WASHC5: variants seen among roughly 807,000 people sequenced by gnomAD.
WASHC5 encodes the protein WASH complex subunit 5.
WASHC5 carries 101 observed loss-of-function variants against 150.4 expected under a neutral mutation model. The ratio of observed to expected loss-of-function variants is 0.67; its 90% confidence interval spans 0.57 to 0.79. WASHC5 has a LOEUF of 0.79. WASHC5 is among the 30% of genes least tolerant of loss of function. The pLI, the probability that WASHC5 is intolerant of heterozygous loss-of-function variation, is 0.00. For synonymous variants in WASHC5, 467 were observed against 491.2 expected (o/e 0.95, Z 0.65); for missense variants, 1,195 against 1,396.3 (o/e 0.86, Z 2.30).
At chr8:125,028,270 A>T (rs1232325128) in intron 28 of WASHC5, among the ~76,000 whole-genome samples, 1 of 152,246 alleles carries the variant, frequency 6.6e-6, no homozygotes, top group East Asian at 1.9e-4. Context: ...GAACCAGGTC[A>T]GTGGAGAGAG....
intron 10 of WASHC5, among the ~76,000 whole-genome samples, chr8:125,064,363 T>A (rs1390263448): frequency 6.9e-6 from 1 of 145,494 alleles, no homozygotes; most frequent in East Asian, 2.0e-4. Context: ...CCACTACACC[T>A]GGTTAATTTT....
chr8:125,057,830 T>A (rs985675506), intron 14 of WASHC5, among the ~76,000 whole-genome samples, 164 bp from the exon 15 acceptor site: 1 of 152,192 alleles, frequency 6.6e-6, no homozygotes, highest in Non-Finnish European at 1.5e-5. Context: ...TTAACTGTGA[T>A]GGCAGTGGTT....
intron 26 of WASHC5, among the ~76,000 whole-genome samples, chr8:125,034,718 AGAGAAGCCT>A (rs1815648243): frequency 6.6e-6 from 1 of 152,174 alleles, no homozygotes; most frequent in South Asian, 2.1e-4. Flanking sequence ...TCCCCAAACC[AGAGAAGCCT>A]AAACAAGTGA....
intron 17 of WASHC5, 53 bp downstream of exon 17, chr8:125,055,538 C>G: frequency 1.9e-6 from 2 of 1,061,310 alleles, no homozygotes; most frequent in Non-Finnish European, 3.0e-6. Context: ...CCACAAAAAC[C>G]CAAACAGCTA....
chr8:125,059,168 GA>G, intron 14 of WASHC5, 53 bp downstream of exon 14: 2 of 1,287,980 alleles, frequency 1.6e-6, no homozygotes, highest in Non-Finnish European at 2.3e-6. Context: ...AATGAGGTAT[GA>G]ATGAAGGCCA....
rs1816159815 is a variant in WASHC5 at position 125,049,086 on chromosome 8, G to C, written c.2299C>G (p.Leu767Val). ...YIQDYVNIYG[L>V]KIWQEEVSRI... Reference sequence around the variant, plus strand: ...GATACTTCTTCCTGCCAAATCTTCAGACCATAAATGTTGACATAGTCCTGT... The same window carrying C: ...GATACTTCTTCCTGCCAAATCTTCACACCATAAATGTTGACATAGTCCTGT... Residue 767 changes from leucine to valine, a missense_variant, in exon 19 of 29, where the codon CTG becomes GTG. Physicochemically the swap from Leu to Val is conservative, Grantham distance 32. Around this residue, in one of 3 missense-constraint regions of WASHC5, gnomAD observed 997 missense variants for 1,168.1 expected, o/e 0.85. Coordinates refer to ENST00000318410, the MANE Select transcript of WASHC5 (RefSeq NM_014846.4). The C allele has an allele frequency of 6.2e-7, 1 of 1,613,550 alleles. No individual in the cohort carries two copies. The highest frequency in any genetic ancestry group is 1.7e-5 in the Admixed American group (1 of 59,924).
intron 6 of WASHC5, among the ~76,000 whole-genome samples, chr8:125,078,077 A>C: frequency 6.6e-6 from 1 of 152,178 alleles, no homozygotes. Context: ...CAAATATTTA[A>C]ATATATAACA....
chr8:125,086,478 A>C (rs989441574), intron 1 of WASHC5, among the ~76,000 whole-genome samples: 1 of 152,148 alleles, frequency 6.6e-6, no homozygotes, highest in African/African-American at 2.4e-5. Flanking sequence ...TCCTCTTCAT[A>C]CAAAGATACC....
chr8:125,039,741 T>G, intron 24 of WASHC5, 54 bp downstream of exon 24: 1 of 1,204,554 alleles, frequency 8.3e-7, no homozygotes, highest in Non-Finnish European at 1.2e-6. Context: ...CTGGGGTGCG[T>G]AGATAATAAA....
chr8:125,072,604 G>C (rs192886480), intron 9 of WASHC5, among the ~76,000 whole-genome samples: 409 of 152,146 alleles, frequency 2.7e-3, no homozygotes, highest in African/African-American at 9.2e-3. Context: ...GAACTCCTGG[G>C]CTCAAGCTCT....
At chr8:125,080,984 A>G (rs1216603950) in intron 5 of WASHC5, among the ~76,000 whole-genome samples, 1 of 152,212 alleles carries the variant, frequency 6.6e-6, no homozygotes, top group Non-Finnish European at 1.5e-5. Context: ...AAACTTAAAC[A>G]ACAAAAGCAA....
intron 8 of WASHC5, 39 bp from the exon 9 acceptor site, chr8:125,073,363 A>T: frequency 6.6e-7 from 1 of 1,520,600 alleles, no homozygotes. Flanking sequence ...TTAAAAAGTC[A>T]TTTATCTTGA....
At chr8:125,048,347 T>C (rs748373916) in intron 19 of WASHC5, among the ~76,000 whole-genome samples, 1 of 152,240 alleles carries the variant, frequency 6.6e-6, no homozygotes, top group Non-Finnish European at 1.5e-5. Flanking sequence ...TTGGCACTTA[T>C]GCATTTGGTA....
chr8:125,050,942 A>G (rs1586353290), intron 17 of WASHC5, among the ~76,000 whole-genome samples: 1 of 152,208 alleles, frequency 6.6e-6, no homozygotes, highest in Non-Finnish European at 1.5e-5. Context: ...AAAGTTTTAA[A>G]TGGCCTCACA....
At chr8:125,069,580 G>A (rs540089962) in intron 9 of WASHC5, among the ~76,000 whole-genome samples, 1 of 152,264 alleles carries the variant, frequency 6.6e-6, no homozygotes, top group East Asian at 1.9e-4. Context: ...GTCATGGGTG[G>A]TTTTGTTGCT....
chr8:125,037,437 T>C, intron 25 of WASHC5, 104 bp from the exon 26 acceptor site: 1 of 776,714 alleles, frequency 1.3e-6, no homozygotes, highest in Non-Finnish European at 2.3e-6. Context: ...AATTTGCTCT[T>C]TGGCTTTCCT....
intron 11 of WASHC5, 59 bp from the exon 12 acceptor site, chr8:125,061,253 G>C: frequency 2.2e-6 from 2 of 899,944 alleles, no homozygotes; most frequent in Non-Finnish European, 3.6e-6. Flanking sequence ...CTGTGGCTTT[G>C]AATTTAACTA....
chr8:125,066,613 T>C (rs1816750145), intron 10 of WASHC5, among the ~76,000 whole-genome samples: 1 of 152,176 alleles, frequency 6.6e-6, no homozygotes, highest in South Asian at 2.1e-4. Flanking sequence ...CCCCAGTTAA[T>C]ACCCTTTCCA....
chr8:125,030,637 TAAAAAAA>T (rs71295816), intron 27 of WASHC5, among the ~76,000 whole-genome samples: 9 of 52,804 alleles, frequency 1.7e-4, no homozygotes, highest in African/African-American at 2.2e-4. Context: ...CTCTTTCTCA[TAAAAAAA>T]AAAAAAAAAA....
Sources: gnomAD v4.1 joint callset for allele counts (sites outside exome capture counted in the v4.1 genomes callset) on GRCh38, gnomAD v4.1.1 for gene constraint, gnomAD v4.1.1 regional missense constraint, MANE v1.5 for transcripts, NCBI Gene and HGNC (gene_info 2026-07-23, HGNC 2026-07-21) for gene names.